CDC14A: variants seen among roughly 807,000 people sequenced by gnomAD.
The protein encoded by CDC14A is dual specificity protein phosphatase CDC14A.
In CDC14A, 53 loss-of-function variants were observed where a neutral mutation model predicts 74.4. That is an observed-to-expected ratio of 0.71 (90% confidence interval 0.57 to 0.89). The LOEUF (loss-of-function observed/expected upper bound fraction) is 0.89. Among genes scored for constraint, CDC14A ranks in the 40% least tolerant of loss-of-function variants. The probability of loss-of-function intolerance (pLI) is 0.00; values close to 1 mark genes in which losing one functional copy is unlikely to be tolerated. For missense variants in CDC14A, 646 were observed against 713.7 expected (o/e 0.91, Z 1.08); for synonymous variants, 247 against 258.4 (o/e 0.96, Z 0.43).
In CDC14A at chr1:100,487,576, A is replaced by AAAACG. The variant is rs1557816700; in HGVS notation, c.1137+3129_1137+3130insGAAAC. On this transcript the variant is annotated intron_variant, in intron 11 of 15. Coordinates refer to ENST00000336454, the MANE Select transcript of CDC14A (RefSeq NM_003672.4). ...CTCGGTCTCAAAAACAAAACAGAACAAAACAAAACAAAACAAAACAAAAAA... is the reference window on the plus strand; with the variant it reads ...CTCGGTCTCAAAAACAAAACAGAACAAAACGAAACAAAACAAAACAAAACAAAAAA... Among the ~76,000 whole-genome samples the AAAACG allele has an allele frequency of 1.5e-3, 19 of 12,398 alleles. No individual in the cohort carries two copies. In the East Asian group the frequency reaches 0.035, roughly 23 times the overall value. The allele number at this position is 12,398 out of a possible 152,430, so 8.1% of individuals were successfully genotyped here. A position where few individuals can be genotyped will look rare whatever the true frequency, so the allele number is the denominator to read the frequency against.
At chr1:100,369,627 C>A (rs1231485264) in intron 2 of CDC14A, among the ~76,000 whole-genome samples, 1 of 151,932 alleles carries the variant, frequency 6.6e-6, no homozygotes, top group Non-Finnish European at 1.5e-5. Flanking sequence ...AGATATTAGA[C>A]CTTTGTCAGA....
At chr1:100,455,928 T>C (rs1354326993) in intron 8 of CDC14A, among the ~76,000 whole-genome samples, 2 of 152,248 alleles carry the variant, frequency 1.3e-5, no homozygotes, top group Non-Finnish European at 2.9e-5. Context: ...AGGTGCTAGT[T>C]ACACAGATCA....
At chr1:100,377,657 A>G in intron 3 of CDC14A, 36 bp downstream of exon 3, 1 of 1,498,874 alleles carries the variant, frequency 6.7e-7, no homozygotes. Context: ...TTTGGAATTA[A>G]AACATTTGAA....
rs1650517385 is a variant in CDC14A at position 100,519,476 on chromosome 1, C to T, written c.*1196C>T. ...AGGAGCGTTACATCCTGATATCCTT[C>T]CAGGCTGCTTAAGAATGGACTGCTT... On this transcript the variant is annotated 3_prime_UTR_variant, in exon 16 of 16. Coordinates refer to ENST00000336454, the MANE Select transcript of CDC14A (RefSeq NM_003672.4). 1.3e-5 allele frequency: 2 copies of T among 152,054 alleles called. No homozygotes were observed. The highest frequency in any genetic ancestry group is 2.9e-5 in the Non-Finnish European group (2 of 67,950). The allele number at this position is 152,054 out of a possible 1,614,324, so 9.4% of individuals were successfully genotyped here.
chr1:100,378,964 G>A (rs960379164), intron 3 of CDC14A, among the ~76,000 whole-genome samples: 6 of 152,132 alleles, frequency 3.9e-5, no homozygotes, highest in African/African-American at 1.4e-4. Context: ...TTTAATGGCT[G>A]AGTAAACAAG....
intron 2 of CDC14A, among the ~76,000 whole-genome samples, chr1:100,360,163 C>T (rs1456124674): frequency 8.7e-5 from 13 of 149,320 alleles, no homozygotes; most frequent in Admixed American, 4.0e-4. Context: ...CCATGTTGGC[C>T]GGGTGGTCTT....
At chr1:100,509,023 C>T (rs1649479920) in intron 15 of CDC14A, among the ~76,000 whole-genome samples, 1 of 152,168 alleles carries the variant, frequency 6.6e-6, no homozygotes, top group South Asian at 2.1e-4. Flanking sequence ...CAGCTTTCCC[C>T]AACCAGCTTT....
At chr1:100,480,054 A>G (rs1190265084) in intron 10 of CDC14A, among the ~76,000 whole-genome samples, 3 of 152,182 alleles carry the variant, frequency 2.0e-5, no homozygotes, top group Admixed American at 6.5e-5. Flanking sequence ...GTGACTTTAT[A>G]TATGTTCACA....
In CDC14A at chr1:100,519,075, T is replaced by C. The variant is rs541443321; in HGVS notation, c.*795T>C. 6.6e-6 allele frequency: 1 copy of C among 152,238 alleles called. No homozygotes were observed. The highest frequency in any genetic ancestry group is 2.1e-4 in the South Asian group (1 of 4,826). 9.4% of individuals were successfully genotyped at this position (152,238 alleles called of 1,614,324 possible). A position where few individuals can be genotyped will look rare whatever the true frequency, so the allele number is the denominator to read the frequency against. ...CTGAATATTTCTTCTGAGAGCATGG[T>C]TTCATGGTTTTTCTCTATGAAATGA... On this transcript the variant is annotated 3_prime_UTR_variant, in exon 16 of 16. Coordinates refer to ENST00000336454, the MANE Select transcript of CDC14A (RefSeq NM_003672.4).
At chr1:100,496,975 A>G (rs1257658745) in intron 13 of CDC14A, among the ~76,000 whole-genome samples, 4 of 152,200 alleles carry the variant, frequency 2.6e-5, no homozygotes, top group East Asian at 1.9e-4. Flanking sequence ...GCAAATATTT[A>G]TTGAGCACCT....
Position 100,496,019 on chromosome 1 carries a change from G to A in CDC14A, c.1268G>A (p.Gly423Glu), listed in dbSNP as rs776723170. The A allele has an allele frequency of 7.4e-6, 12 of 1,613,758 alleles. No homozygotes were observed. In the East Asian group the frequency reaches 1.8e-4, roughly 24 times the overall value. ...TTCCGCAGGTCAGATGATACAAAAG[G>A]ACATCCAAGAGCAGTGTCCCAGCCT... ...SCAFRSDDTK[G>E]HPRAVSQPFR... is the part of the protein sequence containing the mutation. Residue 423 changes from glycine (G) to glutamate (E), a missense_variant, in exon 13 of 16, where the codon GGA becomes GAA. Gly to Glu is a moderately conservative substitution (Grantham distance 98, BLOSUM62 -2). Transcript: ENST00000336454.
intron 2 of CDC14A, chr1:100,363,098 C>T (rs1652995511): frequency 6.6e-6 from 1 of 152,266 alleles, no homozygotes; most frequent in African/African-American, 2.4e-5. Flanking sequence ...AGGCTGATCA[C>T]CCCACCCTAA....
intron 9 of CDC14A, among the ~76,000 whole-genome samples, chr1:100,466,682 C>T (rs558867292): frequency 1.7e-4 from 26 of 152,106 alleles, no homozygotes; most frequent in South Asian, 4.2e-4. Flanking sequence ...ACCAGACTGA[C>T]CAACATGGAG....
At position 100,412,754 on chromosome 1, in the gene CDC14A, T is replaced by TA. The variant is rs1557732636; in HGVS notation, c.310-11468_310-11467insA. ...ATATATATATTTTATATATATATATTTTATATATATATATTATATATATAT... is the reference window on the plus strand; with the variant it reads ...ATATATATATTTTATATATATATATTATTATATATATATATTATATATATAT... On this transcript the variant is annotated intron_variant, in intron 4 of 15. Transcript: ENST00000336454. 4.5e-4 allele frequency among the ~76,000 whole-genome samples: 46 copies of TA among 102,252 alleles called. 3 individuals are homozygous for TA. The highest frequency in any genetic ancestry group is 2.5e-3 in the African/African-American group (43 of 16,872). 67.1% of individuals were successfully genotyped at this position (102,252 alleles called of 152,430 possible).
At chr1:100,469,802 C>A (rs541905784) in intron 10 of CDC14A, among the ~76,000 whole-genome samples, 4 of 152,088 alleles carry the variant, frequency 2.6e-5, no homozygotes, top group South Asian at 2.1e-4. Context: ...GATAACACAG[C>A]CCTCATGTTT....
intron 5 of CDC14A, among the ~76,000 whole-genome samples, chr1:100,439,521 C>T (rs1664698089): frequency 6.6e-6 from 1 of 152,110 alleles, no homozygotes; most frequent in South Asian, 2.1e-4. Context: ...ATGTACCAGC[C>T]ACTATATGAA....
intron 10 of CDC14A, among the ~76,000 whole-genome samples, chr1:100,478,246 A>G (rs190282111): frequency 1.2e-4 from 18 of 152,280 alleles, no homozygotes; most frequent in East Asian, 7.7e-4. Flanking sequence ...TCTGGACTCA[A>G]TGTCCTCCGA....
In CDC14A at chr1:100,468,003, C is replaced by T. The variant is rs749268682; in HGVS notation, c.886C>T (p.His296Tyr). ...GTLIACYVMK[H>Y]YRFTHAEIIA... ...ATTGATAGCCTGTTATGTAATGAAA[C>T]ACTACAGGTTTACACATGCTGAAAT... Residue 296 changes from histidine to tyrosine, a missense_variant, in exon 10 of 16, where the codon CAC becomes TAC. Physicochemically the swap from His to Tyr is moderately conservative, Grantham distance 83. Transcript: ENST00000336454. 1.2e-6 allele frequency: 2 copies of T among 1,611,380 alleles called. No homozygotes were observed. The highest frequency in any genetic ancestry group is 1.1e-5 in the South Asian group (1 of 90,528).
intron 2 of CDC14A, among the ~76,000 whole-genome samples, chr1:100,371,805 G>A (rs1367584835): frequency 6.6e-6 from 1 of 152,014 alleles, no homozygotes; most frequent in African/African-American, 2.4e-5. Context: ...AATTCTACCA[G>A]TGTCAATATT....
Sources: allele counts gnomAD v4.1 joint callset (sites outside exome capture counted in the v4.1 genomes callset), GRCh38; gene constraint gnomAD v4.1.1; transcripts MANE v1.5; gene names NCBI Gene and HGNC (gene_info 2026-07-23, HGNC 2026-07-21).